TMEM170B: variants seen among roughly 807,000 people sequenced by gnomAD.
TMEM170B encodes transmembrane protein 170B.
In TMEM170B, 6 loss-of-function variants were observed where a neutral mutation model predicts 13.0. The observed-to-expected ratio is 0.46, with a 90% CI of 0.25 to 0.91. The LOEUF is 0.91. Ranked by LOEUF, TMEM170B falls within the 40% of genes least tolerant of loss-of-function variation. The probability of loss-of-function intolerance (pLI) is 0.17; values close to 1 mark genes in which losing one functional copy is unlikely to be tolerated. For missense variants in TMEM170B, 138 were observed against 165.2 expected (o/e 0.84, Z 0.90); for synonymous variants, 61 against 64.9 (o/e 0.94, Z 0.29).
chr6:11,565,271 A>G lies in TMEM170B; in HGVS notation c.98-395A>G, dbSNP rs187664531. Among the ~76,000 whole-genome samples the G allele has an allele frequency of 8.2e-3, 1,254 of 152,348 alleles. 9 individuals carry two copies. The highest frequency in any genetic ancestry group is 0.02 in the Middle Eastern group (6 of 294). On this transcript the variant is annotated intron_variant, in intron 1 of 2. Transcript: ENST00000379426. ...TGGAATGATTTGAATTAGAATTACA[A>G]GGTAGTTAAAAACATTCTTAACACT...
intron 1 of TMEM170B, among the ~76,000 whole-genome samples, chr6:11,542,265 A>AG (rs1206208952): frequency 1.3e-5 from 2 of 152,188 alleles, no homozygotes; most frequent in Non-Finnish European, 2.9e-5. Flanking sequence ...CATAGAGTAA[A>AG]TGTAAATGTA....
intron 1 of TMEM170B, among the ~76,000 whole-genome samples, chr6:11,561,066 A>G (rs1759657882): frequency 6.6e-6 from 1 of 152,166 alleles, no homozygotes. Context: ...AATCCAGGCA[A>G]AATTAAGGTG....
Position 11,582,053 on chromosome 6 carries a change from T to C in TMEM170B, c.*6492T>C, listed in dbSNP as rs976726562. 1 of 152,178 alleles carries C rather than the reference T, an allele frequency of 6.6e-6. No individual in the cohort carries two copies. The highest frequency in any genetic ancestry group is 1.5e-5 in the Non-Finnish European group (1 of 67,998). The allele number at this position is 152,178 out of a possible 1,614,324, so 9.4% of individuals were successfully genotyped here. A position where few individuals can be genotyped will look rare whatever the true frequency, so the allele number is the denominator to read the frequency against. On this transcript the variant is annotated 3_prime_UTR_variant, in exon 3 of 3. Transcript: ENST00000379426. Reference sequence around the variant, plus strand: ...GCATTTAGATGAACAAATAGGAAATTCACGGTATTTTTTGTTTTAGCCATC... The same window carrying C: ...GCATTTAGATGAACAAATAGGAAATCCACGGTATTTTTTGTTTTAGCCATC...
intron 1 of TMEM170B, among the ~76,000 whole-genome samples, chr6:11,563,791 C>A (rs551696182): frequency 3.9e-5 from 6 of 152,300 alleles, no homozygotes; most frequent in African/African-American, 1.4e-4. Flanking sequence ...ACAGGCAGAT[C>A]CTGTCTCTAC....
At chr6:11,551,989 G>A (rs547581260) in intron 1 of TMEM170B, among the ~76,000 whole-genome samples, 15 of 152,224 alleles carry the variant, frequency 9.9e-5, no homozygotes, top group African/African-American at 2.9e-4. Context: ...CATGAATTAC[G>A]TGAATCTGTC....
rs994845965 is a variant in TMEM170B, at chr6:11,578,786, G to T, written c.*3225G>T. The T allele has an allele frequency of 2.0e-5, 3 of 152,166 alleles. No individual in the cohort carries two copies. The highest frequency in any genetic ancestry group is 7.2e-5 in the African/African-American group (3 of 41,460). The allele number at this position is 152,166 out of a possible 1,614,324, so 9.4% of individuals were successfully genotyped here. On this transcript the variant is annotated 3_prime_UTR_variant, in exon 3 of 3. Transcript: ENST00000379426. The stretch of plus-strand genomic sequence containing the variant: ...TTGTACTTTAAATGAGAGAAATAAA[G>T]AAATGAGTTGGCCTGTATATCTTGT...
intron 1 of TMEM170B, among the ~76,000 whole-genome samples, chr6:11,540,397 A>C (rs1264646553): frequency 1.3e-5 from 2 of 152,230 alleles, no homozygotes; most frequent in African/African-American, 4.8e-5. Context: ...CACGGTGTTC[A>C]CATGATCTTC....
chr6:11,564,991 A>C (rs991089802), intron 1 of TMEM170B, among the ~76,000 whole-genome samples: 4 of 152,208 alleles, frequency 2.6e-5, no homozygotes, highest in Admixed American at 6.5e-5. Context: ...CCAGAAGGAA[A>C]GGGAATGAAT....
rs1759967051 is a variant in TMEM170B, at chr6:11,582,237, A to G, written c.*6676A>G. On this transcript the variant is annotated 3_prime_UTR_variant, in exon 3 of 3. Coordinates refer to ENST00000379426, the MANE Select transcript of TMEM170B (RefSeq NM_001100829.3). ...CAAGTATTAAAAGTCTCACTTTCAA[A>G]TTGTGTTAACTCTCAGACCACTGAT... 6.6e-6 allele frequency: 1 copy of G among 152,216 alleles called. No individual in the cohort carries two copies. The highest frequency in any genetic ancestry group is 2.1e-4 in the South Asian group (1 of 4,836). The allele number at this position is 152,216 out of a possible 1,614,324, so 9.4% of individuals were successfully genotyped here.
At chr6:11,550,260 C>A (rs1348811496) in intron 1 of TMEM170B, among the ~76,000 whole-genome samples, 1 of 151,656 alleles carries the variant, frequency 6.6e-6, no homozygotes, top group African/African-American at 2.4e-5. Flanking sequence ...GCAACCTGTG[C>A]CTCCTGAGTT....
At chr6:11,562,202 T>G (rs1014755931) in intron 1 of TMEM170B, among the ~76,000 whole-genome samples, 4 of 152,014 alleles carry the variant, frequency 2.6e-5, no homozygotes, top group Non-Finnish European at 5.9e-5. Flanking sequence ...TCTCACTTTA[T>G]TAGGTTCACT....
At chr6:11,545,843 T>TAA (rs11426753) in intron 1 of TMEM170B, among the ~76,000 whole-genome samples, 62 of 145,604 alleles carry the variant, frequency 4.3e-4, no homozygotes, top group African/African-American at 6.0e-4. Context: ...CTGTGTCTAC[T>TAA]AAAAAAAAAA....
chr6:11,559,797 A>G (rs1165237267), intron 1 of TMEM170B, among the ~76,000 whole-genome samples: 1 of 152,156 alleles, frequency 6.6e-6, no homozygotes, highest in Non-Finnish European at 1.5e-5. Context: ...AATATGGACC[A>G]TTTCTATAAA....
intron 1 of TMEM170B, among the ~76,000 whole-genome samples, chr6:11,542,185 G>A (rs549749828): frequency 1.2e-4 from 18 of 152,234 alleles, no homozygotes; most frequent in African/African-American, 1.7e-4. Context: ...ATAAAACAAG[G>A]TATGCCTGTA....
intron 2 of TMEM170B, among the ~76,000 whole-genome samples, chr6:11,571,475 T>C (rs1759801016): frequency 1.3e-5 from 2 of 152,196 alleles, no homozygotes; most frequent in South Asian, 2.1e-4. Context: ...TGTAGTTTTG[T>C]ATATTTTACT....
In TMEM170B at chr6:11,578,103, A is replaced by C. The variant is rs183882251; in HGVS notation, c.*2542A>C. 34 of 152,202 alleles carry C rather than the reference A, an allele frequency of 2.2e-4. No individual in the cohort carries two copies. Among genetic ancestry groups the C allele is most frequent in the African/African-American group, 8.2e-4 (34 of 41,564 alleles). The allele number at this position is 152,202 out of a possible 1,614,324, so 9.4% of individuals were successfully genotyped here. ...CAGTCTACTTGGAAAGCTTTTTTTCAGTGAACACTTTCATGTTCTAGTGGA... is the reference window on the plus strand; with the variant it reads ...CAGTCTACTTGGAAAGCTTTTTTTCCGTGAACACTTTCATGTTCTAGTGGA... On this transcript the variant is annotated 3_prime_UTR_variant, in exon 3 of 3. Transcript: ENST00000379426.
chr6:11,549,906 G>A (rs1176547747), intron 1 of TMEM170B, among the ~76,000 whole-genome samples: 1 of 151,992 alleles, frequency 6.6e-6, no homozygotes, highest in Non-Finnish European at 1.5e-5. Context: ...TTTGAGGAAT[G>A]TAGGTTACTA....
intron 2 of TMEM170B, among the ~76,000 whole-genome samples, chr6:11,570,040 C>T (rs1167716825): frequency 6.6e-6 from 1 of 151,946 alleles, no homozygotes; most frequent in South Asian, 2.1e-4. Flanking sequence ...ACTATGTCTA[C>T]TGGATCGCTC....
intron 1 of TMEM170B, among the ~76,000 whole-genome samples, chr6:11,547,085 G>A (rs1011489783): frequency 1.3e-5 from 2 of 152,174 alleles, no homozygotes; most frequent in African/African-American, 2.4e-5. Flanking sequence ...TGAAACTGCA[G>A]ATAAACGAAG....
Sources: allele counts gnomAD v4.1 joint callset (sites outside exome capture counted in the v4.1 genomes callset), GRCh38; gene constraint gnomAD v4.1.1; transcripts MANE v1.5; gene names NCBI Gene and HGNC (gene_info 2026-07-23, HGNC 2026-07-21).